ROR1: variants seen among roughly 807,000 people sequenced by gnomAD.
The protein encoded by ROR1 is ROR family WNT receptor 1, also known as inactive tyrosine-protein kinase transmembrane receptor ROR1.
ROR1 carries 19 observed loss-of-function variants against 78.8 expected under a neutral mutation model. That is an observed-to-expected ratio of 0.24 (90% CI 0.17 to 0.35). The LOEUF (loss-of-function observed/expected upper bound fraction) is 0.35. Ranked by LOEUF, ROR1 falls within the 10% of genes least tolerant of loss-of-function variation. ROR1 has a pLI of 1.00. For synonymous variants in ROR1, 386 were observed against 433.6 expected (o/e 0.89, Z 1.36); for missense variants, 917 against 1,177.8 (o/e 0.78, Z 3.24).
chr1:64,130,929 A>G (rs12086662), intron 4 of ROR1, among the ~76,000 whole-genome samples: 1,674 of 152,302 alleles, frequency 0.011, 38 homozygotes, highest in African/African-American at 0.039. Context: ...TACTAGAGCC[A>G]TTATGTGGCC....
intron 1 of ROR1, among the ~76,000 whole-genome samples, chr1:64,001,406 T>C (rs1305415472): frequency 6.6e-6 from 1 of 152,178 alleles, no homozygotes; most frequent in Non-Finnish European, 1.5e-5. Flanking sequence ...GGTGACAAAA[T>C]TGTTTTATCT....
chr1:63,975,619 C>T (rs1646153602), intron 1 of ROR1, among the ~76,000 whole-genome samples: 1 of 152,160 alleles, frequency 6.6e-6, no homozygotes, highest in South Asian at 2.1e-4. Flanking sequence ...TTGCTGAACA[C>T]ACACGAAGCG....
chr1:63,837,391 C>G (rs1034197298), intron 1 of ROR1, among the ~76,000 whole-genome samples: 1 of 152,108 alleles, frequency 6.6e-6, no homozygotes, highest in Non-Finnish European at 1.5e-5. Flanking sequence ...CAGATGGAAA[C>G]AGCCCTCAAA....
chr1:63,935,003 GCT>G (rs1645783121), intron 1 of ROR1, among the ~76,000 whole-genome samples: 1 of 150,158 alleles, frequency 6.7e-6, no homozygotes, highest in East Asian at 2.0e-4. Flanking sequence ...TCCATCTCCA[GCT>G]CTGTTTGATT....
intron 1 of ROR1, among the ~76,000 whole-genome samples, chr1:63,893,986 A>G (rs997101728): frequency 1.3e-5 from 2 of 151,996 alleles, no homozygotes; most frequent in African/African-American, 2.4e-5. Context: ...TTTCACTTCA[A>G]TCTTTTACCT....
At chr1:63,977,186 A>C (rs115404352) in intron 1 of ROR1, among the ~76,000 whole-genome samples, 140 of 152,314 alleles carry the variant, frequency 9.2e-4, no homozygotes, top group African/African-American at 3.2e-3. Flanking sequence ...GGTCCCTCCC[A>C]TGACACATGG....
intron 1 of ROR1, among the ~76,000 whole-genome samples, chr1:63,987,747 C>T (rs1023784466): frequency 6.6e-5 from 10 of 152,192 alleles, no homozygotes; most frequent in Admixed American, 5.9e-4. Context: ...TAGCTATTTA[C>T]ATTCCTCTAT....
chr1:63,945,621 TTGC>T (rs1569954170), intron 1 of ROR1, among the ~76,000 whole-genome samples: 1 of 152,310 alleles, frequency 6.6e-6, no homozygotes, highest in East Asian at 1.9e-4. Flanking sequence ...ATACCTTTAC[TTGC>T]TACATCAAAC....
At chr1:64,130,325 C>T (rs1648868728) in intron 4 of ROR1, among the ~76,000 whole-genome samples, 1 of 152,138 alleles carries the variant, frequency 6.6e-6, no homozygotes, top group Non-Finnish European at 1.5e-5. Flanking sequence ...AGTATGTTAA[C>T]ATGTACTTTT....
At chr1:63,802,453 A>G (rs561387275) in intron 1 of ROR1, among the ~76,000 whole-genome samples, 1 of 152,310 alleles carries the variant, frequency 6.6e-6, no homozygotes, top group South Asian at 2.1e-4. Context: ...TGATTTTCTC[A>G]TTTAATTTTT....
intron 1 of ROR1, among the ~76,000 whole-genome samples, chr1:63,872,267 A>T (rs914806003): frequency 5.3e-5 from 8 of 152,274 alleles, no homozygotes; most frequent in Admixed American, 2.6e-4. Flanking sequence ...TCCTCTTTTG[A>T]TGATCTGCCT....
intron 1 of ROR1, among the ~76,000 whole-genome samples, chr1:63,785,991 G>T (rs1644682552): frequency 6.6e-6 from 1 of 152,110 alleles, no homozygotes; most frequent in African/African-American, 2.4e-5. Context: ...AGAGTCTGCT[G>T]TCAGGGCCTC....
intron 4 of ROR1, among the ~76,000 whole-genome samples, chr1:64,081,035 G>C (rs1232240938): frequency 6.6e-6 from 1 of 152,194 alleles, no homozygotes; most frequent in African/African-American, 2.4e-5. Flanking sequence ...CAGTTAGCCA[G>C]ATCATAAATT....
intron 1 of ROR1, among the ~76,000 whole-genome samples, chr1:63,962,826 C>T (rs181840473): frequency 4.6e-5 from 7 of 152,084 alleles, no homozygotes; most frequent in Admixed American, 2.6e-4. Flanking sequence ...GGGATACACC[C>T]GTGGATTTTA....
chr1:63,837,597 C>G (rs541203722), intron 1 of ROR1, among the ~76,000 whole-genome samples: 3 of 152,074 alleles, frequency 2.0e-5, no homozygotes, highest in Non-Finnish European at 4.4e-5. Context: ...AAGTGTGTAT[C>G]TTTGCTTGAG....
chr1:63,933,433 A>G (rs1420205533), intron 1 of ROR1, among the ~76,000 whole-genome samples: 1 of 152,164 alleles, frequency 6.6e-6, no homozygotes, highest in Non-Finnish European at 1.5e-5. Context: ...GCCCAGTAGG[A>G]GTATGAAACC....
rs541571122 is a variant in ROR1, at chr1:64,066,356, C to T, written c.482+15640C>T. 1.1e-3 allele frequency among the ~76,000 whole-genome samples: 157 copies of T among 147,848 alleles called. 2 individuals are homozygous for T. Among genetic ancestry groups the T allele is most frequent in the Middle Eastern group, 3.5e-3 (1 of 282 alleles). On this transcript the variant is annotated intron_variant, in intron 4 of 8. Coordinates refer to ENST00000371079, the MANE Select transcript of ROR1 (RefSeq NM_005012.4). ...TTTTTGATATGGAATCTCCCTCTGT[C>T]GCCCTGGCTGGAGTGCAGTGGCGCC...
At chr1:63,986,952 A>G (rs1244649530) in intron 1 of ROR1, among the ~76,000 whole-genome samples, 1 of 152,078 alleles carries the variant, frequency 6.6e-6, no homozygotes, top group Non-Finnish European at 1.5e-5. Context: ...GGATTGTGGC[A>G]TGGGAGGTGG....
At chr1:63,817,732 G>T (rs1446941660) in intron 1 of ROR1, among the ~76,000 whole-genome samples, 1 of 152,162 alleles carries the variant, frequency 6.6e-6, no homozygotes, top group African/African-American at 2.4e-5. Context: ...GTTAAAGGGA[G>T]GGCAGAATTC....
Sources: allele counts gnomAD v4.1 joint callset (sites outside exome capture counted in the v4.1 genomes callset), GRCh38; gene constraint gnomAD v4.1.1; transcripts MANE v1.5; gene names NCBI Gene and HGNC (gene_info 2026-07-23, HGNC 2026-07-21).